MTARC1: variants seen among roughly 807,000 people sequenced by gnomAD.
MTARC1 encodes the protein mitochondrial amidoxime-reducing component 1.
In MTARC1, 24 loss-of-function variants were observed where a neutral mutation model predicts 33.6. That is an observed-to-expected ratio of 0.72 (90% CI 0.52 to 1.01). The LOEUF (loss-of-function observed/expected upper bound fraction) is 1.01. Among genes scored for constraint, MTARC1 ranks in the 50% least tolerant of loss-of-function variants. The pLI is 0.00. For missense variants in MTARC1, 417 were observed against 445.7 expected (o/e 0.94, Z 0.58); for synonymous variants, 187 against 189.5 (o/e 0.99, Z 0.11).
intron 4 of MTARC1, 81 bp from the exon 5 acceptor site, chr1:220,804,971 G>A: frequency 4.1e-6 from 6 of 1,477,572 alleles, no homozygotes; most frequent in South Asian, 1.1e-5. Context: ...CGTTAGGTGC[G>A]AGGGCTCCTG....
intron 4 of MTARC1, among the ~76,000 whole-genome samples, chr1:220,803,456 T>C (rs576379046): frequency 6.4e-4 from 97 of 152,262 alleles, no homozygotes; most frequent in African/African-American, 2.2e-3. Flanking sequence ...TCACTGAGAA[T>C]CTTACTCCCT....
chr1:220,808,209 A>G lies in MTARC1; in HGVS notation c.887+2935A>G, dbSNP rs567848450. On this transcript the variant is annotated intron_variant, in intron 6 of 6. Coordinates refer to ENST00000366910, the MANE Select transcript of MTARC1 (RefSeq NM_022746.4). The stretch of plus-strand genomic sequence containing the variant: ...GTTTGGGCTTGTTCTCTGCATCTTC[A>G]GTGCCCCCCTTCCTCCATTGGGAGC... 2.6e-5 allele frequency among the ~76,000 whole-genome samples: 4 copies of G among 152,260 alleles called. No individual in the cohort carries two copies. The East Asian group carries it at 7.7e-4, about 29-fold the overall frequency.
intron 6 of MTARC1, among the ~76,000 whole-genome samples, chr1:220,811,502 A>G (rs948562842): frequency 6.6e-6 from 1 of 152,212 alleles, no homozygotes; most frequent in African/African-American, 2.4e-5. Context: ...AGGTGGTTCT[A>G]GATTTGACTC....
chr1:220,796,550 A>C, intron 2 of MTARC1, 93 bp from the exon 3 acceptor site: 1 of 1,367,956 alleles, frequency 7.3e-7, no homozygotes, highest in Non-Finnish European at 9.7e-7. Flanking sequence ...GTAATGTTAC[A>C]GCTAGGAGCA....
chr1:220,793,454 G>C (rs142822738), intron 2 of MTARC1: 1 of 152,138 alleles, frequency 6.6e-6, no homozygotes, highest in Non-Finnish European at 1.5e-5. Flanking sequence ...GACATGCTAC[G>C]GTAGTATACA....
rs560765101 is a variant in MTARC1, at chr1:220,789,788, A to C, written c.276-1703A>C. ...AACATGGATGGCCCTGGAAAACATA[A>C]TACTAATTGAAATAAGCTAGACACA... On this transcript the variant is annotated intron_variant, in intron 1 of 6. Transcript: ENST00000366910. Among the ~76,000 whole-genome samples the C allele has an allele frequency of 7.2e-5, 11 of 152,362 alleles. No homozygotes were observed. The South Asian group carries it at 2.1e-3, about 29-fold the overall frequency.
At chr1:220,797,636 G>A (rs370228671) in intron 3 of MTARC1, 8 of 515,782 alleles carry the variant, frequency 1.6e-5, no homozygotes, top group Middle Eastern at 5.2e-4. Flanking sequence ...CCTTGTGGCA[G>A]CTTAGGATTG....
chr1:220,788,302 G>C (rs551803779), intron 1 of MTARC1, among the ~76,000 whole-genome samples: 2 of 152,142 alleles, frequency 1.3e-5, no homozygotes, highest in African/African-American at 4.8e-5. Flanking sequence ...GGCCAGCCTC[G>C]GGTCTTATTG....
chr1:220,803,083 G>A (rs1672865433), intron 4 of MTARC1, among the ~76,000 whole-genome samples: 1 of 152,074 alleles, frequency 6.6e-6, no homozygotes, highest in Non-Finnish European at 1.5e-5. Flanking sequence ...AGAAATACCC[G>A]AGACTGGGTA....
chr1:220,790,460 C>T (rs1344972657), intron 1 of MTARC1, among the ~76,000 whole-genome samples: 1 of 152,186 alleles, frequency 6.6e-6, no homozygotes, highest in African/African-American at 2.4e-5. Context: ...GAATATTAGA[C>T]AGAATATTCA....
At chr1:220,799,070 A>C in intron 4 of MTARC1, 1 of 985,378 alleles carries the variant, frequency 1.0e-6, no homozygotes, top group Non-Finnish European at 1.2e-6. Context: ...TGAGATGATC[A>C]TATTTCTGCC....
At chr1:220,799,957 A>T (rs974403931) in intron 4 of MTARC1, among the ~76,000 whole-genome samples, 7 of 152,192 alleles carry the variant, frequency 4.6e-5, no homozygotes, top group African/African-American at 1.7e-4. Flanking sequence ...TACCACAGGG[A>T]GGTAAGGAAG....
In MTARC1 at chr1:220,817,039, T is replaced by C. The variant is rs890624514; in HGVS notation, c.*3621T>C. ...CACCTGTGATGAAAGTGCTCCAGGA[T>C]GCTTCATGCACCAGGGAGGGGTGCC... On this transcript the variant is annotated 3_prime_UTR_variant, in exon 7 of 7. Coordinates refer to ENST00000366910, the MANE Select transcript of MTARC1 (RefSeq NM_022746.4). The C allele has an allele frequency of 6.6e-6, 1 of 151,974 alleles. No homozygotes were observed. Among genetic ancestry groups the C allele is most frequent in the Non-Finnish European group, 1.5e-5 (1 of 68,054 alleles). 9.4% of individuals were successfully genotyped at this position (151,974 alleles called of 1,614,324 possible). A position where few individuals can be genotyped will look rare whatever the true frequency, so the allele number is the denominator to read the frequency against.
chr1:220,819,042 T>C lies in MTARC1; in HGVS notation c.*5624T>C, dbSNP rs1321589064. 6.6e-6 allele frequency: 1 copy of C among 152,230 alleles called. No individual in the cohort carries two copies. Among genetic ancestry groups the C allele is most frequent in the African/African-American group, 2.4e-5 (1 of 41,450 alleles). The allele number at this position is 152,230 out of a possible 1,614,324, so 9.4% of individuals were successfully genotyped here. A position where few individuals can be genotyped will look rare whatever the true frequency, so the allele number is the denominator to read the frequency against. On this transcript the variant is annotated 3_prime_UTR_variant, in exon 7 of 7. Coordinates refer to ENST00000366910, the MANE Select transcript of MTARC1 (RefSeq NM_022746.4). ...AGCCATTCCTGTCGTCTGGATGCCA[T>C]AACATTGGAGGAATGATGATCGTTT...
chr1:220,795,148 T>C (rs1672568295), intron 2 of MTARC1, among the ~76,000 whole-genome samples: 3 of 152,216 alleles, frequency 2.0e-5, no homozygotes, highest in Non-Finnish European at 4.4e-5. Flanking sequence ...TATACAAAGA[T>C]AGCTTGAAAT....
At chr1:220,793,058 T>C (rs1672480900) in intron 2 of MTARC1, 1 of 152,224 alleles carries the variant, frequency 6.6e-6, no homozygotes, top group Non-Finnish European at 1.5e-5. Context: ...ATATGGATCC[T>C]GTAGGCTTTT....
In MTARC1 at chr1:220,817,491, A is replaced by G. The variant is rs150711397; in HGVS notation, c.*4073A>G. ...TGTCCTGCTGATTGCTCCATTTTAC[A>G]GAGTGCTGATTGGTCCATTTTACAG... On this transcript the variant is annotated 3_prime_UTR_variant, in exon 7 of 7. Transcript: ENST00000366910. 0.12 allele frequency: 18,681 copies of G among 152,070 alleles called. 1,459 individuals are homozygous for G. The highest frequency in any genetic ancestry group is 0.17 in the Non-Finnish European group (11,282 of 68,030). 9.4% of individuals were successfully genotyped at this position (152,070 alleles called of 1,614,324 possible).
intron 4 of MTARC1, among the ~76,000 whole-genome samples, chr1:220,803,005 A>C (rs1571675821): frequency 6.6e-6 from 1 of 152,138 alleles, no homozygotes; most frequent in South Asian, 2.1e-4. Flanking sequence ...TTCCTCTGTA[A>C]CCTTGCCACA....
intron 6 of MTARC1, among the ~76,000 whole-genome samples, chr1:220,806,551 C>T (rs1415659504): frequency 6.6e-6 from 1 of 152,212 alleles, no homozygotes; most frequent in East Asian, 1.9e-4. Context: ...TTCCTTCCAC[C>T]TCTCACCAAC....
Sources: allele counts gnomAD v4.1 joint callset (sites outside exome capture counted in the v4.1 genomes callset), GRCh38; gene constraint gnomAD v4.1.1; transcripts MANE v1.5; gene names NCBI Gene and HGNC (gene_info 2026-07-23, HGNC 2026-07-21).